The following PEX7 variants were observed in gnomAD, a reference collection of about 807,000 sequenced individuals.
PEX7 encodes peroxisomal biogenesis factor 7.
A neutral mutation model predicts 47.5 loss-of-function variants in PEX7; 34 were observed. The observed-to-expected ratio is 0.72, with a 90% confidence interval of 0.54 to 0.95. The LOEUF (loss-of-function observed/expected upper bound fraction) is 0.95, where lower values mean the gene tolerates loss of function less well. PEX7 is among the 40% of genes least tolerant of loss of function. PEX7 has a pLI of 0.00. For synonymous variants in PEX7, 141 were observed against 148.8 expected (o/e 0.95, Z 0.38); for missense variants, 394 against 400.3 (o/e 0.98, Z 0.13).
intron 8 of PEX7, among the ~76,000 whole-genome samples, chr6:136,873,728 A>G (rs1240503055): frequency 3.3e-5 from 5 of 152,310 alleles, no homozygotes; most frequent in Admixed American, 6.5e-5. Flanking sequence ...GTGTTTCTCT[A>G]TTAAAAATAA....
chr6:136,886,465 G>T (rs1415227863), intron 8 of PEX7, among the ~76,000 whole-genome samples: 1 of 152,120 alleles, frequency 6.6e-6, no homozygotes, highest in Admixed American at 6.6e-5. Flanking sequence ...CACATAATAA[G>T]AGCTCAAAAA....
intron 5 of PEX7, among the ~76,000 whole-genome samples, chr6:136,847,395 T>C (rs1774625778): frequency 6.6e-6 from 1 of 151,860 alleles, no homozygotes; most frequent in African/African-American, 2.4e-5. Flanking sequence ...TTGCTTTTGG[T>C]GTTTTAGACA....
At chr6:136,863,770 A>G (rs927715972) in intron 5 of PEX7, among the ~76,000 whole-genome samples, 1 of 152,060 alleles carries the variant, frequency 6.6e-6, no homozygotes, top group African/African-American at 2.4e-5. Context: ...TAGCAGGGGC[A>G]TGGTGGTGTG....
At chr6:136,896,146 C>T (rs1218834709) in intron 8 of PEX7, among the ~76,000 whole-genome samples, 1 of 152,168 alleles carries the variant, frequency 6.6e-6, no homozygotes, top group Non-Finnish European at 1.5e-5. Context: ...TGGCTCAAAA[C>T]AACAGAAGCT....
In PEX7 at chr6:136,864,956, T is replaced by C. The variant is rs145258528; in HGVS notation, c.527-1671T>C. 2.6e-4 allele frequency among the ~76,000 whole-genome samples: 40 copies of C among 152,332 alleles called. No homozygotes were observed. The East Asian group carries it at 7.7e-3, about 29-fold the overall frequency. On this transcript the variant is annotated intron_variant, in intron 5 of 9. Coordinates refer to ENST00000318471, the MANE Select transcript of PEX7 (RefSeq NM_000288.4). The stretch of plus-strand genomic sequence containing the variant: ...ATGCTTTTCATTACATGGAACTGGT[T>C]TTCTCACATCATCAGTTGTTTATAT...
intron 5 of PEX7, among the ~76,000 whole-genome samples, chr6:136,865,866 C>T (rs935577181): frequency 1.3e-5 from 2 of 151,930 alleles, no homozygotes; most frequent in African/African-American, 2.4e-5. Flanking sequence ...GGGTGGATCA[C>T]GAGGTCAGGC....
intron 8 of PEX7, among the ~76,000 whole-genome samples, chr6:136,875,577 A>G (rs1200600707): frequency 1.3e-5 from 2 of 152,218 alleles, no homozygotes; most frequent in African/African-American, 4.8e-5. Flanking sequence ...CTAATAAATG[A>G]TCAGTTTTTG....
At chr6:136,837,496 A>G (rs1314276202) in intron 3 of PEX7, among the ~76,000 whole-genome samples, 1 of 152,212 alleles carries the variant, frequency 6.6e-6, no homozygotes, top group East Asian at 1.9e-4. Flanking sequence ...GTCTAAAAAA[A>G]GTACATATTT....
At chr6:136,829,601 CA>C (rs1244175902) in intron 3 of PEX7, among the ~76,000 whole-genome samples, 33 of 152,192 alleles carry the variant, frequency 2.2e-4, no homozygotes, top group African/African-American at 7.2e-4. Context: ...GATTTAAGCT[CA>C]AATGAGAGTT....
At chr6:136,866,552 A>T in intron 5 of PEX7, 75 bp from the exon 6 acceptor site, 1 of 1,230,122 alleles carries the variant, frequency 8.1e-7, no homozygotes, top group East Asian at 2.4e-5. Flanking sequence ...TACTTGACTT[A>T]TTATTGTGAA....
At chr6:136,885,539 G>T (rs1775454524) in intron 8 of PEX7, among the ~76,000 whole-genome samples, 1 of 152,154 alleles carries the variant, frequency 6.6e-6, no homozygotes, top group Non-Finnish European at 1.5e-5. Flanking sequence ...CTACTTTTTG[G>T]TGACAAAATT....
chr6:136,841,232 C>T (rs1774491777), intron 3 of PEX7, among the ~76,000 whole-genome samples: 1 of 152,126 alleles, frequency 6.6e-6, no homozygotes, highest in Admixed American at 6.5e-5. Context: ...TTTTTCAGAG[C>T]TTGAGGTTAA....
chr6:136,842,233 G>C (rs1774513912), intron 3 of PEX7, among the ~76,000 whole-genome samples: 1 of 151,482 alleles, frequency 6.6e-6, no homozygotes, highest in African/African-American at 2.4e-5. Flanking sequence ...GGCCTCAAGT[G>C]ACCTGCCCGC....
At chr6:136,838,631 T>C (rs983949356) in intron 3 of PEX7, among the ~76,000 whole-genome samples, 1 of 152,146 alleles carries the variant, frequency 6.6e-6, no homozygotes, top group Non-Finnish European at 1.5e-5. Context: ...ATTGTTAATC[T>C]TGTTGGGGTG....
At chr6:136,881,470 C>A (rs1775375648) in intron 8 of PEX7, among the ~76,000 whole-genome samples, 1 of 152,160 alleles carries the variant, frequency 6.6e-6, no homozygotes, top group African/African-American at 2.4e-5. Flanking sequence ...AGACATTAAT[C>A]TTTTGGTGAT....
At chr6:136,831,129 A>T (rs1408855564) in intron 3 of PEX7, among the ~76,000 whole-genome samples, 1 of 152,198 alleles carries the variant, frequency 6.6e-6, no homozygotes, top group South Asian at 2.1e-4. Context: ...GAGAGTGGGT[A>T]ATTTATAAAG....
At chr6:136,850,148 A>AT (rs1177107332) in intron 5 of PEX7, among the ~76,000 whole-genome samples, 1 of 151,654 alleles carries the variant, frequency 6.6e-6, no homozygotes, top group Admixed American at 6.6e-5. Flanking sequence ...GTAAAAAAAA[A>AT]GTCTGTTTTA....
intron 1 of PEX7, among the ~76,000 whole-genome samples, chr6:136,824,876 G>A (rs962454051): frequency 6.6e-6 from 1 of 152,228 alleles, no homozygotes; most frequent in African/African-American, 2.4e-5. Flanking sequence ...GAAGGTTTGT[G>A]TCTCTGGTGC....
At chr6:136,828,244 A>G (rs1287666986) in intron 3 of PEX7, among the ~76,000 whole-genome samples, 2 of 152,142 alleles carry the variant, frequency 1.3e-5, no homozygotes, top group Admixed American at 6.5e-5. Context: ...GTACATTGAG[A>G]TAAGTAAGTA....
Sources: allele counts gnomAD v4.1 joint callset (sites outside exome capture counted in the v4.1 genomes callset), GRCh38; gene constraint gnomAD v4.1.1; transcripts MANE v1.5; gene names NCBI Gene and HGNC (gene_info 2026-07-23, HGNC 2026-07-21).